Variants in NAV2 observed in about 807,000 individuals in gnomAD.
NAV2 encodes the protein helicase, APC down-regulated 1.
Under a neutral mutation model 223.2 loss-of-function variants are expected in NAV2, and 54 were observed. The ratio of observed to expected loss-of-function variants is 0.24; its 90% CI spans 0.19 to 0.30. The LOEUF is 0.30. Among genes scored for constraint, NAV2 ranks in the 10% least tolerant of loss-of-function variants. The pLI, the probability that NAV2 is intolerant of heterozygous loss-of-function variation, is 1.00. For synonymous variants in NAV2, 1,279 were observed against 1,239.3 expected (o/e 1.03, Z -0.67); for missense variants, 2,806 against 3,147.5 (o/e 0.89, Z 2.60).
At chr11:20,094,084 A>AG (rs1418873921) in intron 29 of NAV2, among the ~76,000 whole-genome samples, 3 of 152,062 alleles carry the variant, frequency 2.0e-5, no homozygotes, top group Non-Finnish European at 4.4e-5. Context: ...GCCTCACTAT[A>AG]GGGGGTAAGC....
At chr11:20,036,126 T>C in intron 12 of NAV2, 29 bp downstream of exon 12, 1 of 1,613,646 alleles carries the variant, frequency 6.2e-7, no homozygotes, top group East Asian at 2.2e-5. Context: ...CCCAGGCTCC[T>C]CCAGCAGCCT....
intron 10 of NAV2, among the ~76,000 whole-genome samples, chr11:19,956,831 C>G (rs2047926264): frequency 1.3e-5 from 2 of 152,276 alleles, no homozygotes; most frequent in South Asian, 4.1e-4. Flanking sequence ...GCCTTACTGT[C>G]TCCTTACTGT....
chr11:19,422,860 C>T (rs976186488), intron 1 of NAV2, among the ~76,000 whole-genome samples: 1 of 152,196 alleles, frequency 6.6e-6, no homozygotes, highest in African/African-American at 2.4e-5. Flanking sequence ...AGGCATGTGG[C>T]ACATCAGGGG....
At chr11:19,376,309 T>C (rs2133892566) in intron 1 of NAV2, among the ~76,000 whole-genome samples, 1 of 152,318 alleles carries the variant, frequency 6.6e-6, no homozygotes, top group African/African-American at 2.4e-5. Context: ...TGGTGAAGCA[T>C]CCTAATTGGT....
chr11:20,086,259 G>A (rs1024621842), intron 26 of NAV2, among the ~76,000 whole-genome samples: 1 of 152,150 alleles, frequency 6.6e-6, no homozygotes, highest in Non-Finnish European at 1.5e-5. Flanking sequence ...TATGGGGAAG[G>A]GAGATCACCC....
chr11:19,391,272 C>A (rs1395539920), intron 1 of NAV2, among the ~76,000 whole-genome samples: 1 of 152,164 alleles, frequency 6.6e-6, no homozygotes, highest in Non-Finnish European at 1.5e-5. Context: ...CTGCTTCACC[C>A]TTAGCTTCCA....
chr11:19,561,916 G>A (rs1020879229), intron 1 of NAV2, among the ~76,000 whole-genome samples: 1 of 152,184 alleles, frequency 6.6e-6, no homozygotes, highest in Non-Finnish European at 1.5e-5. Context: ...GATGATGAAG[G>A]GGGCTCCTGG....
intron 1 of NAV2, among the ~76,000 whole-genome samples, chr11:19,538,904 T>TATATATAC (rs373320711): frequency 6.6e-6 from 1 of 150,678 alleles, no homozygotes; most frequent in African/African-American, 2.5e-5. Context: ...TATATATATA[T>TATATATAC]ATATCTTTCC....
chr11:19,994,140 A>G (rs978662728), intron 11 of NAV2, among the ~76,000 whole-genome samples: 1 of 152,210 alleles, frequency 6.6e-6, no homozygotes, highest in African/African-American at 2.4e-5. Flanking sequence ...CCTGCCAGTG[A>G]TGATGTGAAA....
chr11:20,099,307 A>G (rs10741818), intron 31 of NAV2, among the ~76,000 whole-genome samples: 27,839 of 152,022 alleles, frequency 0.18, 2,876 homozygotes, highest in South Asian at 0.39. Flanking sequence ...CTTTAAGGAG[A>G]GCCTTTTATG....
At chr11:19,785,744 G>A (rs1027900000) in intron 1 of NAV2, among the ~76,000 whole-genome samples, 3 of 151,890 alleles carry the variant, frequency 2.0e-5, no homozygotes, top group African/African-American at 7.3e-5. Flanking sequence ...TATAGGCATG[G>A]TAGTTTTCAT....
intron 1 of NAV2, among the ~76,000 whole-genome samples, chr11:19,783,434 T>G (rs981386080): frequency 6.6e-6 from 1 of 152,202 alleles, no homozygotes; most frequent in Non-Finnish European, 1.5e-5. Flanking sequence ...CTCTCCATGT[T>G]ATCACCCCAT....
chr11:19,558,219 G>C (rs7110381), intron 1 of NAV2, among the ~76,000 whole-genome samples: 14,284 of 152,182 alleles, frequency 0.094, 2,248 homozygotes, highest in African/African-American at 0.33. Flanking sequence ...AACAAACCAA[G>C]CCGAAACAAC....
intron 1 of NAV2, among the ~76,000 whole-genome samples, chr11:19,757,482 C>G (rs1042901822): frequency 4.6e-5 from 7 of 152,162 alleles, no homozygotes. Flanking sequence ...GGCTTTTGCT[C>G]CTCTGCCTCG....
At chr11:19,660,239 C>A (rs2081767749) in intron 1 of NAV2, among the ~76,000 whole-genome samples, 2 of 152,158 alleles carry the variant, frequency 1.3e-5, no homozygotes, top group Non-Finnish European at 2.9e-5. Flanking sequence ...TTGCTTTATG[C>A]CGACTTCACT....
At chr11:19,412,384 T>C (rs1462583395) in intron 1 of NAV2, among the ~76,000 whole-genome samples, 2 of 152,192 alleles carry the variant, frequency 1.3e-5, no homozygotes, top group Non-Finnish European at 2.9e-5. Context: ...TCCTCCTCTC[T>C]GGGCAGGGCA....
At chr11:19,378,283 C>T (rs190759948) in intron 1 of NAV2, among the ~76,000 whole-genome samples, 14 of 152,208 alleles carry the variant, frequency 9.2e-5, no homozygotes, top group Admixed American at 7.2e-4. Flanking sequence ...TGGGGGTGCC[C>T]GCTTCATTTT....
intron 1 of NAV2, among the ~76,000 whole-genome samples, chr11:19,507,810 A>T (rs1357342609): frequency 6.6e-6 from 1 of 152,172 alleles, no homozygotes; most frequent in Non-Finnish European, 1.5e-5. Flanking sequence ...TCTTTATAAC[A>T]ACCCTATCAG....
intron 1 of NAV2, among the ~76,000 whole-genome samples, chr11:19,660,906 G>C (rs1374982022): frequency 6.6e-6 from 1 of 151,878 alleles, no homozygotes; most frequent in African/African-American, 2.4e-5. Context: ...GCTTTTGTTT[G>C]GTGTCACTCT....
Sources: gnomAD v4.1 joint callset for allele counts (sites outside exome capture counted in the v4.1 genomes callset) on GRCh38, gnomAD v4.1.1 for gene constraint, MANE v1.5 for transcripts, NCBI Gene and HGNC (gene_info 2026-07-23, HGNC 2026-07-21) for gene names.